The following LPP variants were observed in gnomAD, a reference collection of about 807,000 sequenced individuals.
LPP encodes LIM domain containing preferred translocation partner in lipoma.
A neutral mutation model predicts 60.4 loss-of-function variants in LPP; 38 were observed. The observed-to-expected ratio is 0.63, with a 90% CI of 0.49 to 0.83. The LOEUF is 0.83. Among genes scored for constraint, LPP ranks in the 40% least tolerant of loss-of-function variants. The probability of loss-of-function intolerance (pLI) is 0.00; values close to 1 mark genes in which losing one functional copy is unlikely to be tolerated. For missense variants in LPP, 902 were observed against 783.6 expected (o/e 1.15, Z -1.80); for synonymous variants, 328 against 290.8 (o/e 1.13, Z -1.30).
rs1348757391 is a variant in LPP, at chr3:188,890,083, T to C, written c.*15604T>C. ...ATTATGACCATGGAAGATAGTCTTA[T>C]GTAAAGGTTAAATGGTGTTTACAAG... On this transcript the variant is annotated 3_prime_UTR_variant, in exon 12 of 12. Coordinates refer to ENST00000617246, the MANE Select transcript of LPP (RefSeq NM_001375462.1). 3 of 214,232 alleles carry C rather than the reference T, an allele frequency of 1.4e-5. No homozygotes were observed. Among genetic ancestry groups the C allele is most frequent in the Non-Finnish European group, 2.8e-5 (3 of 106,110 alleles). The allele number at this position is 214,232 out of a possible 1,614,324, so 13.3% of individuals were successfully genotyped here. A position where few individuals can be genotyped will look rare whatever the true frequency, so the allele number is the denominator to read the frequency against.
intron 2 of LPP, among the ~76,000 whole-genome samples, chr3:188,263,257 G>T (rs531865065): frequency 6.6e-6 from 1 of 152,164 alleles, no homozygotes; most frequent in African/African-American, 2.4e-5. Context: ...ATTTATGAGG[G>T]TATGATGGGG....
At chr3:188,449,700 A>G (rs1257780376) in intron 4 of LPP, among the ~76,000 whole-genome samples, 1 of 152,144 alleles carries the variant, frequency 6.6e-6, no homozygotes. Flanking sequence ...CCTTTAGATC[A>G]TGGTTCTGTG....
chr3:188,534,542 C>T (rs989430766), intron 6 of LPP, among the ~76,000 whole-genome samples: 1 of 152,084 alleles, frequency 6.6e-6, no homozygotes, highest in Non-Finnish European at 1.5e-5. Context: ...TAGTATGAAA[C>T]CCCATAGTTC....
intron 9 of LPP, among the ~76,000 whole-genome samples, chr3:188,836,094 T>C (rs1758381896): frequency 6.6e-6 from 1 of 152,234 alleles, no homozygotes; most frequent in Non-Finnish European, 1.5e-5. Context: ...TGTAGGATCA[T>C]GTTTGGCTTT....
intron 4 of LPP, among the ~76,000 whole-genome samples, chr3:188,462,588 ATGTGTGTGTGTG>A (rs71169003): frequency 0.024 from 1,382 of 58,186 alleles, 48 homozygotes; most frequent in African/African-American, 0.076. Flanking sequence ...ATATATATGC[ATGTGTGTGTGTG>A]TGTGTGTGTG....
At chr3:188,335,008 G>A (rs1476754273) in intron 2 of LPP, among the ~76,000 whole-genome samples, 3 of 152,132 alleles carry the variant, frequency 2.0e-5, no homozygotes, top group African/African-American at 2.4e-5. Flanking sequence ...CTGTAAATAC[G>A]TGGATTTATT....
chr3:188,510,580 C>T (rs532428136), intron 5 of LPP, among the ~76,000 whole-genome samples: 90 of 152,314 alleles, frequency 5.9e-4, no homozygotes, highest in Admixed American at 3.1e-3. Flanking sequence ...CTCTCTCCTT[C>T]GTCATGGGGA....
intron 2 of LPP, among the ~76,000 whole-genome samples, chr3:188,296,867 G>T (rs1484224283): frequency 6.6e-6 from 1 of 152,188 alleles, no homozygotes; most frequent in Non-Finnish European, 1.5e-5. Flanking sequence ...GGTTACACAT[G>T]GCCAGTTTCT....
intron 7 of LPP, among the ~76,000 whole-genome samples, chr3:188,625,506 C>T (rs181002472): frequency 1.4e-3 from 216 of 152,274 alleles, no homozygotes; most frequent in African/African-American, 4.9e-3. Flanking sequence ...AATGCATATT[C>T]ATCCTCTTTT....
intron 6 of LPP, 87 bp downstream of exon 6, chr3:188,524,874 T>A (rs534261510): frequency 1.5e-6 from 2 of 1,366,816 alleles, no homozygotes; most frequent in African/African-American, 3.1e-5. Context: ...TGAGAGCTTA[T>A]TTCCCCTTCC....
intron 2 of LPP, among the ~76,000 whole-genome samples, chr3:188,279,113 C>T (rs1409588774): frequency 1.3e-5 from 2 of 152,124 alleles, no homozygotes; most frequent in Non-Finnish European, 2.9e-5. Context: ...GGGGTCACTG[C>T]CTCCCATGGA....
At chr3:188,859,053 C>T (rs1004576597) in intron 9 of LPP, among the ~76,000 whole-genome samples, 3 of 139,916 alleles carry the variant, frequency 2.1e-5, no homozygotes, top group Non-Finnish European at 4.5e-5. Context: ...CGCGCCACTG[C>T]ACTCCAGCCT....
chr3:188,862,579 A>C (rs1765426396), intron 9 of LPP, among the ~76,000 whole-genome samples: 1 of 151,972 alleles, frequency 6.6e-6, no homozygotes. Context: ...TGGGAGGAGG[A>C]GTCCATGGGA....
At chr3:188,530,836 C>T (rs11709891) in intron 6 of LPP, among the ~76,000 whole-genome samples, 70,260 of 151,938 alleles carry the variant, frequency 0.46, 17,080 homozygotes, top group East Asian at 0.92. Context: ...TAGTATATAT[C>T]TAAACCCAAC....
At chr3:188,236,125 T>C (rs1251102642) in intron 2 of LPP, among the ~76,000 whole-genome samples, 5 of 152,232 alleles carry the variant, frequency 3.3e-5, no homozygotes, top group Non-Finnish European at 5.9e-5. Flanking sequence ...ATGTAATATT[T>C]ACATTGTGAT....
At chr3:188,800,285 G>A (rs1489430257) in intron 9 of LPP, among the ~76,000 whole-genome samples, 20 of 115,076 alleles carry the variant, frequency 1.7e-4, no homozygotes, top group Middle Eastern at 6.4e-3. Flanking sequence ...TCGCTCTGTC[G>A]CTCAGGCTGG....
intron 4 of LPP, among the ~76,000 whole-genome samples, chr3:188,476,142 T>C (rs1803161534): frequency 2.0e-5 from 3 of 152,180 alleles, no homozygotes; most frequent in African/African-American, 7.2e-5. Flanking sequence ...TTCCGTTTGA[T>C]TTACTTTTTA....
chr3:188,700,700 T>G (rs958847790), intron 7 of LPP, among the ~76,000 whole-genome samples: 1 of 152,204 alleles, frequency 6.6e-6, no homozygotes, highest in Admixed American at 6.5e-5. Flanking sequence ...GAATGCTGAA[T>G]GAAGTTCTGG....
chr3:188,757,592 C>T lies in LPP; in HGVS notation c.1241-2521C>T, dbSNP rs1730691023. 4.6e-5 allele frequency among the ~76,000 whole-genome samples: 7 copies of T among 152,144 alleles called. No homozygotes were observed. In the South Asian group the frequency reaches 1.5e-3, roughly 32 times the overall value. Reference sequence around the variant, plus strand: ...ACGGGGGGAAGTGTGGTCCACAGATCCCTGATAGCCCTTCGTGTACTATGT... The same window carrying T: ...ACGGGGGGAAGTGTGGTCCACAGATTCCTGATAGCCCTTCGTGTACTATGT... On this transcript the variant is annotated intron_variant, in intron 8 of 11. Transcript: ENST00000617246.
Sources: allele counts gnomAD v4.1 joint callset (sites outside exome capture counted in the v4.1 genomes callset), GRCh38; gene constraint gnomAD v4.1.1; transcripts MANE v1.5; gene names NCBI Gene and HGNC (gene_info 2026-07-23, HGNC 2026-07-21).